TMEM248: variants seen among roughly 807,000 people sequenced by gnomAD.
TMEM248 encodes the protein transmembrane protein 248.
TMEM248 carries 9 observed loss-of-function variants against 30.3 expected under a neutral mutation model. The ratio of observed to expected loss-of-function variants is 0.30; its 90% CI spans 0.18 to 0.52. The LOEUF (loss-of-function observed/expected upper bound fraction) is 0.52, where lower values mean the gene tolerates loss of function less well. TMEM248 is among the 20% of genes least tolerant of loss of function. The pLI is 0.97. For synonymous variants in TMEM248, 184 were observed against 154.4 expected, an observed-to-expected ratio of 1.19 and a Z score of -1.42; for missense variants, 338 against 403.3, an observed-to-expected ratio of 0.84 and a Z score of 1.39.
chr7:66,954,256 A>G (rs1005972072), intron 6 of TMEM248, among the ~76,000 whole-genome samples: 3 of 152,130 alleles, frequency 2.0e-5, no homozygotes, highest in Non-Finnish European at 2.9e-5. Context: ...TAGGTTACTT[A>G]TAATACCTAA....
intron 1 of TMEM248, among the ~76,000 whole-genome samples, chr7:66,941,447 C>T (rs1216679370): frequency 2.6e-5 from 4 of 151,006 alleles, no homozygotes; most frequent in African/African-American, 7.3e-5. Context: ...CCTGGCTACT[C>T]GGGAGGCTGA....
At chr7:66,947,214 C>CAAAAAAA (rs565294304) in intron 3 of TMEM248, among the ~76,000 whole-genome samples, 1 of 58,666 alleles carries the variant, frequency 1.7e-5, no homozygotes, top group Non-Finnish European at 3.2e-5. Flanking sequence ...GACCCTGTCT[C>CAAAAAAA]AAAAAAAAAA....
At position 66,921,449 on chromosome 7, in the gene TMEM248, C is replaced by G. The variant is rs962348787; in HGVS notation, c.-31C>G. On this transcript the variant is annotated 5_prime_UTR_variant, in exon 1 of 7. Coordinates refer to ENST00000341567, the MANE Select transcript of TMEM248 (RefSeq NM_017994.5). ...GGCTGGGCCCGGGGCGCGCAGCTGC[C>G]CGCCGGGGCGGGGTGAGCCGGGGCT... is the stretch of plus-strand genomic sequence containing the variant. The G allele has an allele frequency of 1.4e-4, 21 of 150,478 alleles. No individual in the cohort carries two copies. The highest frequency in any genetic ancestry group is 5.1e-4 in the African/African-American group (21 of 41,344). 9.3% of individuals were successfully genotyped at this position (150,478 alleles called of 1,614,324 possible).
intron 5 of TMEM248, among the ~76,000 whole-genome samples, chr7:66,952,629 G>A (rs757323501): frequency 6.6e-6 from 1 of 152,212 alleles, no homozygotes; most frequent in Non-Finnish European, 1.5e-5. Context: ...CCATGTCTGG[G>A]GTCCCTTTAG....
At chr7:66,925,009 C>G (rs1791486670) in intron 1 of TMEM248, among the ~76,000 whole-genome samples, 1 of 151,996 alleles carries the variant, frequency 6.6e-6, no homozygotes, top group Non-Finnish European at 1.5e-5. Flanking sequence ...AGCCCCGGCC[C>G]TATTTTTTAA....
intron 2 of TMEM248, among the ~76,000 whole-genome samples, chr7:66,943,884 G>GC (rs1280955414): frequency 1.3e-5 from 2 of 151,426 alleles, no homozygotes; most frequent in African/African-American, 4.9e-5. Context: ...TTCAGCCTCT[G>GC]CCCCCCTTCA....
At chr7:66,921,839 A>G (rs1236655382) in intron 1 of TMEM248, 2 of 152,266 alleles carry the variant, frequency 1.3e-5, no homozygotes, top group African/African-American at 2.4e-5. Context: ...AGTGAAACAC[A>G]TCTCAGAAAG....
At position 66,951,111 on chromosome 7, in the gene TMEM248, C is replaced by T; in HGVS notation, c.756C>T (p.Pro252=). ...AIGKVYHALN[P]KLTVIVPDDD... ...GAAAAGTCTATCATGCTTTAAATCC[C>T]AAGCTTACAGTGATTGTTCCAGATG... The change falls in exon 5 of 7, where the codon CCC becomes CCT. Residue 252 remains proline, a synonymous_variant. Coordinates refer to ENST00000341567, the MANE Select transcript of TMEM248 (RefSeq NM_017994.5). The T allele has an allele frequency of 6.3e-7, 1 of 1,598,424 alleles. No individual in the cohort carries two copies. Among genetic ancestry groups the T allele is most frequent in the South Asian group, 1.1e-5 (1 of 88,340 alleles).
At chr7:66,929,530 G>C (rs1344908135) in intron 1 of TMEM248, among the ~76,000 whole-genome samples, 2 of 144,850 alleles carry the variant, frequency 1.4e-5, no homozygotes, top group Non-Finnish European at 3.0e-5. Context: ...TCCGCCTCCC[G>C]GGTTCAAGCG....
At chr7:66,949,457 C>T (rs1160807072) in intron 4 of TMEM248, among the ~76,000 whole-genome samples, 1 of 152,114 alleles carries the variant, frequency 6.6e-6, no homozygotes, top group Non-Finnish European at 1.5e-5. Context: ...AACAGCAAGA[C>T]TCTGTCTCAA....
In TMEM248 at chr7:66,948,708, G is replaced by A; in HGVS notation, c.596+14G>A. 3.1e-6 allele frequency: 5 copies of A among 1,592,466 alleles called. No homozygotes were observed. Among genetic ancestry groups the A allele is most frequent in the Non-Finnish European group, 3.4e-6 (4 of 1,163,066 alleles). On this transcript the variant is annotated intron_variant, in intron 4 of 6. Transcript: ENST00000341567. ...CCCCGTCACTGTGTAAGTGTACCCGGCACCTGATGAACGTGCGTAACAAGC... is the reference window on the plus strand; with the variant it reads ...CCCCGTCACTGTGTAAGTGTACCCGACACCTGATGAACGTGCGTAACAAGC...
At chr7:66,940,085 C>T (rs963720898) in intron 1 of TMEM248, among the ~76,000 whole-genome samples, 2 of 152,118 alleles carry the variant, frequency 1.3e-5, no homozygotes, top group South Asian at 2.1e-4. Flanking sequence ...TCCCTAGTAG[C>T]TGGGATTACA....
chr7:66,926,418 G>C (rs1053110069), intron 1 of TMEM248, among the ~76,000 whole-genome samples: 1 of 152,160 alleles, frequency 6.6e-6, no homozygotes, highest in Non-Finnish European at 1.5e-5. Flanking sequence ...TCAGGAGTTC[G>C]AGACTAACCT....
chr7:66,928,958 T>G (rs1763226067), intron 1 of TMEM248, among the ~76,000 whole-genome samples: 1 of 152,032 alleles, frequency 6.6e-6, no homozygotes, highest in African/African-American at 2.4e-5. Flanking sequence ...CAGCTAAATT[T>G]TGTATTCTTT....
intron 1 of TMEM248, among the ~76,000 whole-genome samples, chr7:66,937,592 G>A (rs1791838009): frequency 6.6e-6 from 1 of 152,140 alleles, no homozygotes; most frequent in Non-Finnish European, 1.5e-5. Context: ...TTGACCGTTT[G>A]ACCTTCTTTG....
At chr7:66,928,375 C>T (rs879925715) in intron 1 of TMEM248, among the ~76,000 whole-genome samples, 1 of 148,956 alleles carries the variant, frequency 6.7e-6, no homozygotes, top group African/African-American at 2.5e-5. Flanking sequence ...ACTGTCTTAT[C>T]AACCTTGGCA....
At chr7:66,928,482 C>T (rs1229636250) in intron 1 of TMEM248, among the ~76,000 whole-genome samples, 1 of 152,146 alleles carries the variant, frequency 6.6e-6, no homozygotes, top group African/African-American at 2.4e-5. Context: ...ATTACTTAAG[C>T]TCATTTGCTT....
intron 1 of TMEM248, among the ~76,000 whole-genome samples, chr7:66,922,481 A>G (rs1791411208): frequency 6.6e-6 from 1 of 152,072 alleles, no homozygotes; most frequent in Admixed American, 6.6e-5. Flanking sequence ...CCTAAGGTAT[A>G]CTTAGGTGTG....
intron 2 of TMEM248, among the ~76,000 whole-genome samples, chr7:66,942,345 A>G (rs1344931747): frequency 6.6e-6 from 1 of 152,218 alleles, no homozygotes; most frequent in Non-Finnish European, 1.5e-5. Context: ...TTCCATCTCA[A>G]ATGGGTTCAT....
Sources: allele counts gnomAD v4.1 joint callset (sites outside exome capture counted in the v4.1 genomes callset), GRCh38; gene constraint gnomAD v4.1.1; transcripts MANE v1.5; gene names NCBI Gene and HGNC (gene_info 2026-07-23, HGNC 2026-07-21).